Variants in CDIN1 observed in about 807,000 individuals in gnomAD.
CDIN1 encodes CDAN1 interacting nuclease 1.
In CDIN1, 33 loss-of-function variants were observed where a neutral mutation model predicts 45.3. The observed-to-expected ratio is 0.73, with a 90% CI of 0.55 to 0.97. CDIN1 has a LOEUF of 0.97. Among genes scored for constraint, CDIN1 ranks in the 50% least tolerant of loss-of-function variants. CDIN1 has a pLI of 0.00. For synonymous variants in CDIN1, 118 were observed against 124.4 expected, an observed-to-expected ratio of 0.95 and a Z score of 0.34; for missense variants, 303 against 339.4, an observed-to-expected ratio of 0.89 and a Z score of 0.84.
intron 5 of CDIN1, among the ~76,000 whole-genome samples, chr15:36,660,046 G>C (rs919039043): frequency 8.2e-5 from 11 of 133,530 alleles, no homozygotes; most frequent in Non-Finnish European, 1.4e-4. Flanking sequence ...TCAGAGCATG[G>C]GCCTGGCTGG....
At chr15:36,784,690 C>G (rs1192953218) in intron 10 of CDIN1, among the ~76,000 whole-genome samples, 1 of 152,116 alleles carries the variant, frequency 6.6e-6, no homozygotes, top group Non-Finnish European at 1.5e-5. Flanking sequence ...AATGCATAAA[C>G]ATTGCGTTAT....
At chr15:36,698,161 C>T (rs1166484473) in intron 8 of CDIN1, among the ~76,000 whole-genome samples, 1 of 152,082 alleles carries the variant, frequency 6.6e-6, no homozygotes, top group East Asian at 1.9e-4. Context: ...CATTGGATTA[C>T]ATAAGGTTTT....
At chr15:36,765,496 C>T (rs113476012) in intron 10 of CDIN1, among the ~76,000 whole-genome samples, 6 of 152,186 alleles carry the variant, frequency 3.9e-5, no homozygotes, top group African/African-American at 1.4e-4. Context: ...AGATCTATAT[C>T]AAGAGAGTTT....
At chr15:36,652,545 C>T (rs539094826) in intron 3 of CDIN1, among the ~76,000 whole-genome samples, 7 of 152,220 alleles carry the variant, frequency 4.6e-5, no homozygotes, top group Admixed American at 1.3e-4. Context: ...AGGTTCTTAA[C>T]GGACCTGTTT....
intron 5 of CDIN1, among the ~76,000 whole-genome samples, chr15:36,674,190 T>A (rs766521174): frequency 1.4e-4 from 21 of 152,148 alleles, no homozygotes; most frequent in Non-Finnish European, 2.6e-4. Context: ...CTGCAGTGTT[T>A]GCGCAGGACG....
intron 10 of CDIN1, among the ~76,000 whole-genome samples, chr15:36,790,834 C>G (rs1225807255): frequency 6.6e-6 from 1 of 152,158 alleles, no homozygotes; most frequent in Non-Finnish European, 1.5e-5. Context: ...ACCAATGGCT[C>G]TCTTTCTTGT....
At chr15:36,682,752 A>T (rs752914281) in intron 5 of CDIN1, among the ~76,000 whole-genome samples, 26 of 146,932 alleles carry the variant, frequency 1.8e-4, no homozygotes, top group Middle Eastern at 3.4e-3. Context: ...CCTAGGCAAC[A>T]GAGCAAGACC....
chr15:36,754,386 C>T (rs995167713), intron 10 of CDIN1, among the ~76,000 whole-genome samples: 6 of 152,038 alleles, frequency 3.9e-5, no homozygotes, highest in African/African-American at 1.2e-4. Flanking sequence ...TGAGAAGGCT[C>T]TTTAAATATT....
intron 10 of CDIN1, among the ~76,000 whole-genome samples, chr15:36,751,228 TTTATATA>T (rs1403223148): frequency 6.1e-5 from 4 of 65,894 alleles, no homozygotes; most frequent in East Asian, 5.7e-4. Flanking sequence ...ATATGCTTAT[TTTATATA>T]TATATATATA....
chr15:36,607,488 G>C (rs1433519721), intron 1 of CDIN1, among the ~76,000 whole-genome samples: 2 of 152,064 alleles, frequency 1.3e-5, no homozygotes, highest in African/African-American at 4.8e-5. Context: ...TACTTCATAT[G>C]ATCTAATATG....
chr15:36,677,825 G>A (rs1409073625), intron 5 of CDIN1, among the ~76,000 whole-genome samples: 1 of 152,182 alleles, frequency 6.6e-6, no homozygotes, highest in African/African-American at 2.4e-5. Context: ...TGGAAGTTGT[G>A]TGTGTGAGTG....
intron 1 of CDIN1, among the ~76,000 whole-genome samples, chr15:36,607,504 C>T (rs2038433181): frequency 6.6e-6 from 1 of 151,874 alleles, no homozygotes; most frequent in Admixed American, 6.6e-5. Context: ...ATATGCATTC[C>T]ATCTGGAGTC....
At chr15:36,636,862 TAAAA>T (rs1342914363) in intron 1 of CDIN1, among the ~76,000 whole-genome samples, 1 of 152,210 alleles carries the variant, frequency 6.6e-6, no homozygotes, top group Admixed American at 6.5e-5. Flanking sequence ...GAGTGATTAT[TAAAA>T]GAATAGTAAA....
intron 10 of CDIN1, 67 bp from the exon 11 acceptor site, chr15:36,808,257 C>T: frequency 6.3e-7 from 1 of 1,585,346 alleles, no homozygotes; most frequent in East Asian, 2.2e-5. Flanking sequence ...ATCAGTGCCC[C>T]AAGGTGACTT....
At chr15:36,589,348 CT>C (rs576120926) in intron 1 of CDIN1, among the ~76,000 whole-genome samples, 34 of 152,102 alleles carry the variant, frequency 2.2e-4, no homozygotes, top group African/African-American at 6.3e-4. Context: ...TTTTAATTGT[CT>C]TTTTATTGAA....
intron 10 of CDIN1, among the ~76,000 whole-genome samples, chr15:36,801,653 T>C (rs1438995280): frequency 6.6e-6 from 1 of 152,206 alleles, no homozygotes; most frequent in East Asian, 1.9e-4. Flanking sequence ...TCTTCCCTCA[T>C]GTTTAGATTC....
At chr15:36,746,457 G>A (rs559649448) in intron 10 of CDIN1, among the ~76,000 whole-genome samples, 1 of 152,114 alleles carries the variant, frequency 6.6e-6, no homozygotes. Context: ...TATGATAGGA[G>A]TAGTTACATT....
intron 1 of CDIN1, among the ~76,000 whole-genome samples, chr15:36,616,700 G>A (rs893150870): frequency 1.1e-4 from 17 of 152,008 alleles, no homozygotes; most frequent in Non-Finnish European, 7.4e-5. Context: ...GGATCACAAG[G>A]TCAGGAGTTC....
In CDIN1 at chr15:36,791,043, C is replaced by G. The variant is rs542661123; in HGVS notation, c.717-17281C>G. On this transcript the variant is annotated intron_variant, in intron 10 of 10. Transcript: ENST00000566621. ...AGGTCCCAGTGTCTGTTGTTCTCCT[C>G]TTTGTGTCCTTGAGTTCTTATCATT... 1.3e-4 allele frequency among the ~76,000 whole-genome samples: 20 copies of G among 152,286 alleles called. No individual in the cohort carries two copies. In the South Asian group the frequency reaches 4.2e-3, roughly 32 times the overall value.
Sources: gnomAD v4.1 joint callset for allele counts (sites outside exome capture counted in the v4.1 genomes callset) on GRCh38, gnomAD v4.1.1 for gene constraint, MANE v1.5 for transcripts, NCBI Gene and HGNC (gene_info 2026-07-23, HGNC 2026-07-21) for gene names.